The following ZCCHC24 variants were observed in gnomAD, a reference collection of about 807,000 sequenced individuals.
The protein encoded by ZCCHC24 is zinc finger CCHC domain-containing protein 24.
In ZCCHC24, 10 loss-of-function variants were observed where a neutral mutation model predicts 26.2. That is an observed-to-expected ratio of 0.38 (90% confidence interval 0.24 to 0.65). ZCCHC24 has a LOEUF of 0.65. Among genes scored for constraint, ZCCHC24 ranks in the 30% least tolerant of loss-of-function variants. The pLI is 0.54. For missense variants in ZCCHC24, 243 were observed against 329.1 expected, an observed-to-expected ratio of 0.74 and a Z score of 2.03; for synonymous variants, 144 against 147.1, an observed-to-expected ratio of 0.98 and a Z score of 0.15.
intron 2 of ZCCHC24, among the ~76,000 whole-genome samples, chr10:79,397,068 G>T (rs1289099929): frequency 6.6e-6 from 1 of 152,224 alleles, no homozygotes; most frequent in Non-Finnish European, 1.5e-5. Context: ...CTTTGTCCCA[G>T]GCGCCATTAC....
At chr10:79,387,911 C>T (rs960823245) in intron 3 of ZCCHC24, among the ~76,000 whole-genome samples, 3 of 152,180 alleles carry the variant, frequency 2.0e-5, no homozygotes, top group African/African-American at 4.8e-5. Context: ...CATCCCTGTG[C>T]TCCCAGGCTT....
chr10:79,413,411 T>A (rs1856817424), intron 2 of ZCCHC24, among the ~76,000 whole-genome samples: 1 of 151,392 alleles, frequency 6.6e-6, no homozygotes, highest in African/African-American at 2.4e-5. Context: ...CCTGGGGGAG[T>A]GGAACGGAAG....
At chr10:79,440,713 C>A (rs1321132646) in intron 1 of ZCCHC24, among the ~76,000 whole-genome samples, 6 of 152,310 alleles carry the variant, frequency 3.9e-5, no homozygotes, top group Non-Finnish European at 7.3e-5. Flanking sequence ...TAGAGCACCA[C>A]CCAAGAGCAG....
chr10:79,391,429 C>G (rs1025681521), intron 3 of ZCCHC24, among the ~76,000 whole-genome samples: 3 of 152,004 alleles, frequency 2.0e-5, no homozygotes, highest in Non-Finnish European at 4.4e-5. Flanking sequence ...GGGGCAGTAT[C>G]GGGGCAGGGG....
At chr10:79,430,686 C>CACACACACACA (rs370025190) in intron 2 of ZCCHC24, among the ~76,000 whole-genome samples, 8,605 of 140,494 alleles carry the variant, frequency 0.061, 323 homozygotes, top group East Asian at 0.13. Context: ...CACACACACA[C>CACACACACACA]CACACACACA....
intron 1 of ZCCHC24, among the ~76,000 whole-genome samples, chr10:79,440,441 G>A (rs1486783151): frequency 2.6e-5 from 4 of 152,288 alleles, no homozygotes; most frequent in East Asian, 3.9e-4. Flanking sequence ...TGAGGACCAG[G>A]GACAAAATGT....
At chr10:79,415,576 G>A (rs1589669451) in intron 2 of ZCCHC24, among the ~76,000 whole-genome samples, 2 of 152,274 alleles carry the variant, frequency 1.3e-5, no homozygotes, top group East Asian at 3.9e-4. Context: ...AATGCCCTTT[G>A]TTCAGAAGAA....
At chr10:79,435,802 T>C (rs1857208489) in intron 1 of ZCCHC24, among the ~76,000 whole-genome samples, 1 of 152,204 alleles carries the variant, frequency 6.6e-6, no homozygotes, top group African/African-American at 2.4e-5. Context: ...AGTGAGCTGC[T>C]TCCTCTCTGA....
At chr10:79,426,668 AT>A (rs1378375429) in intron 2 of ZCCHC24, among the ~76,000 whole-genome samples, 1 of 152,262 alleles carries the variant, frequency 6.6e-6, no homozygotes, top group Non-Finnish European at 1.5e-5. Flanking sequence ...CCCTAAAAAA[AT>A]AACTCACAAA....
chr10:79,436,609 G>A (rs551571438), intron 1 of ZCCHC24, among the ~76,000 whole-genome samples: 1 of 152,366 alleles, frequency 6.6e-6, no homozygotes, highest in Admixed American at 6.5e-5. Context: ...TCTCCCACAA[G>A]GCTGGACATC....
intron 2 of ZCCHC24, among the ~76,000 whole-genome samples, chr10:79,424,709 A>G (rs1311102647): frequency 6.6e-6 from 1 of 152,182 alleles, no homozygotes; most frequent in Non-Finnish European, 1.5e-5. Flanking sequence ...CCAAGTTTGC[A>G]CAGCCTGTCA....
intron 2 of ZCCHC24, among the ~76,000 whole-genome samples, chr10:79,404,044 G>T (rs974025782): frequency 6.6e-6 from 1 of 152,074 alleles, no homozygotes; most frequent in Non-Finnish European, 1.5e-5. Flanking sequence ...AAGAGGAGAA[G>T]GGGGGACAGG....
chr10:79,414,955 T>A (rs7914034), intron 2 of ZCCHC24, among the ~76,000 whole-genome samples: 2,760 of 152,242 alleles, frequency 0.018, 90 homozygotes, highest in African/African-American at 0.063. Flanking sequence ...CCCAGGCTCT[T>A]CATCAATGTC....
chr10:79,428,550 G>A (rs1857079481), intron 2 of ZCCHC24, among the ~76,000 whole-genome samples: 1 of 152,040 alleles, frequency 6.6e-6, no homozygotes, highest in Non-Finnish European at 1.5e-5. Flanking sequence ...TGTATTTAAT[G>A]CCACGAACCG....
Position 79,385,192 on chromosome 10 carries a change from GC to G in ZCCHC24, c.*1152del, listed in dbSNP as rs997943731. On this transcript the variant is annotated 3_prime_UTR_variant, in exon 4 of 4. Transcript: ENST00000372336. This position sits in a 1 kb window ranked among gnomAD's most constrained non-coding sequence, Gnocchi z 4.3. ...GCAGGGGCCAGCAGGGGAGGACTCAGCATCCCTCAGCTTGACTTCCTAAGAC... is the reference window on the plus strand; with the variant it reads ...GCAGGGGCCAGCAGGGGAGGACTCAGATCCCTCAGCTTGACTTCCTAAGAC... The G allele has an allele frequency of 1.6e-4, 24 of 152,412 alleles. No individual in the cohort carries two copies. Among genetic ancestry groups the G allele is most frequent in the African/African-American group, 5.1e-4 (21 of 41,550 alleles). The allele number at this position is 152,412 out of a possible 1,614,324, so 9.4% of individuals were successfully genotyped here.
At chr10:79,393,431 C>T (rs917152540) in intron 3 of ZCCHC24, among the ~76,000 whole-genome samples, 1 of 152,176 alleles carries the variant, frequency 6.6e-6, no homozygotes, top group Non-Finnish European at 1.5e-5. Context: ...TCCTGTTCTT[C>T]CCCCACATTC....
chr10:79,417,217 GCT>G lies in ZCCHC24; in HGVS notation c.447+15339_447+15340del, dbSNP rs1312761733. Among the ~76,000 whole-genome samples the G allele has an allele frequency of 6.3e-4, 51 of 80,336 alleles. 8 individuals carry two copies. Among genetic ancestry groups the G allele is most frequent in the African/African-American group, 1.8e-3 (50 of 28,566 alleles). The allele number at this position is 80,336 out of a possible 152,430, so 52.7% of individuals were successfully genotyped here. On this transcript the variant is annotated intron_variant, in intron 2 of 3. Transcript: ENST00000372336. ...GGCCTGCGGGAGGGAGGGGCACAAGGCTCTGTTTGAGCTTCACAGTCCCCAGG... is the reference window on the plus strand; with the variant it reads ...GGCCTGCGGGAGGGAGGGGCACAAGGCTGTTTGAGCTTCACAGTCCCCAGG...
rs1445589621 is a variant in ZCCHC24 at position 79,406,510 on chromosome 10, C to T, written c.448-12070G>A. Among the ~76,000 whole-genome samples the T allele has an allele frequency of 2.0e-5, 3 of 152,290 alleles. No individual in the cohort carries two copies. In the East Asian group the frequency reaches 5.8e-4, roughly 29 times the overall value. On this transcript the variant is annotated intron_variant, in intron 2 of 3. Transcript: ENST00000372336. ...CCAAACTGACCTTTCTCCACTGTCC[C>T]CAAAGGCGAGGGTGTTCTGTGCAGG...
chr10:79,394,508 C>T, intron 2 of ZCCHC24, 68 bp from the exon 3 acceptor site: 1 of 1,567,818 alleles, frequency 6.4e-7, no homozygotes, highest in Non-Finnish European at 8.7e-7. Context: ...ACAGGGTTCC[C>T]CTGGCCTCCG....
Sources: gnomAD v4.1 joint callset for allele counts (sites outside exome capture counted in the v4.1 genomes callset) on GRCh38, gnomAD v4.1.1 for gene constraint, Gnocchi (gnomAD v3.1) non-coding constraint, MANE v1.5 for transcripts, NCBI Gene and HGNC (gene_info 2026-07-23, HGNC 2026-07-21) for gene names.